The following BBC3 variants were observed in gnomAD, a reference collection of about 807,000 sequenced individuals.
BBC3 encodes the protein bcl-2-binding component 3.
BBC3 carries 5 observed loss-of-function variants against 18.2 expected under a neutral mutation model. The observed-to-expected ratio is 0.27, with a 90% CI of 0.14 to 0.58. BBC3 has a LOEUF of 0.58. Ranked by LOEUF, BBC3 falls within the 20% of genes least tolerant of loss-of-function variation. The pLI is 0.91. For synonymous variants in BBC3, 119 were observed against 128.0 expected (o/e 0.93, Z 0.47); for missense variants, 224 against 268.9 (o/e 0.83, Z 1.17).
chr19:47,223,395 C>T (rs542453882), intron 3 of BBC3, among the ~76,000 whole-genome samples: 5 of 152,110 alleles, frequency 3.3e-5, no homozygotes, highest in East Asian at 1.9e-4. Context: ...GGGGAAACCC[C>T]GTCTCTACTA....
chr19:47,229,823 C>G (rs1044016128), intron 1 of BBC3, among the ~76,000 whole-genome samples: 1 of 152,126 alleles, frequency 6.6e-6, no homozygotes, highest in Admixed American at 6.6e-5. Flanking sequence ...CATACATACA[C>G]ACACACACTC....
intron 2 of BBC3, among the ~76,000 whole-genome samples, chr19:47,227,774 C>T (rs1449565345): frequency 6.6e-6 from 1 of 152,150 alleles, no homozygotes; most frequent in Non-Finnish European, 1.5e-5. Flanking sequence ...GGCCTCTCGA[C>T]CCCTCCCCAG....
rs745490490 is a variant in BBC3 at position 47,230,171 on chromosome 19, G to C, written c.-16+758C>G. Among the ~76,000 whole-genome samples the C allele has an allele frequency of 6.6e-6, 1 of 151,524 alleles. No individual in the cohort carries two copies. Among genetic ancestry groups the C allele is most frequent in the Non-Finnish European group, 1.5e-5 (1 of 67,886 alleles). On this transcript the variant is annotated intron_variant, in intron 1 of 3. Transcript: ENST00000439096. This position sits in a 1 kb window ranked among gnomAD's most constrained non-coding sequence, Gnocchi z 6.7. Reference sequence around the variant, plus strand: ...CGCAGGTCCACCCACCCCACAAGCAGGGCACCCACAGACAGAACCCCACAC... The same window carrying C: ...CGCAGGTCCACCCACCCCACAAGCACGGCACCCACAGACAGAACCCCACAC...
chr19:47,226,834 C>T, intron 2 of BBC3, 80 bp from the exon 3 acceptor site: 2 of 1,191,492 alleles, frequency 1.7e-6, no homozygotes, highest in Non-Finnish European at 2.2e-6. Flanking sequence ...CCCTCTTTCC[C>T]AGCCACTGCT....
intron 3 of BBC3, 97 bp from the exon 4 acceptor site, chr19:47,222,015 G>T (rs933640399): frequency 8.7e-7 from 1 of 1,145,976 alleles, no homozygotes; most frequent in Non-Finnish European, 1.2e-6. Context: ...CGACAGTCTC[G>T]CCCACCCTAT....
In BBC3 at chr19:47,222,030, G is replaced by C. The variant is rs555303019; in HGVS notation, c.466-112C>G. On this transcript the variant is annotated intron_variant, in intron 3 of 3. Coordinates refer to ENST00000439096, the MANE Select transcript of BBC3 (RefSeq NM_014417.5). ...CGACAGTCTCGCCCACCCTATTCCA[G>C]CTCCTCCCCCCGCCTGGGCTAATGT... 1,475 of 966,116 alleles carry C rather than the reference G, an allele frequency of 1.5e-3. 5 individuals carry two copies. The highest frequency in any genetic ancestry group is 1.9e-3 in the Non-Finnish European group (1,279 of 673,294). 59.8% of individuals were successfully genotyped at this position (966,116 alleles called of 1,614,324 possible). A position where few individuals can be genotyped will look rare whatever the true frequency, so the allele number is the denominator to read the frequency against.
In BBC3 at chr19:47,221,369, G is replaced by C. The variant is rs905716495; in HGVS notation, c.*433C>G. On this transcript the variant is annotated 3_prime_UTR_variant, in exon 4 of 4. Transcript: ENST00000439096. The stretch of plus-strand genomic sequence containing the variant: ...TCACGGGCCCCCTCCCAGGAGGAGG[G>C]GGGGAAGCACCAGGGGCCTGAGGCC... 2.3e-5 allele frequency: 6 copies of C among 259,202 alleles called. No homozygotes were observed. The highest frequency in any genetic ancestry group is 9.1e-5 in the African/African-American group (4 of 43,886). 16.1% of individuals were successfully genotyped at this position (259,202 alleles called of 1,614,324 possible). A position where few individuals can be genotyped will look rare whatever the true frequency, so the allele number is the denominator to read the frequency against.
rs2058753512 is a variant in BBC3, at chr19:47,221,713, G to A, written c.*89C>T. 2.5e-6 allele frequency: 4 copies of A among 1,591,508 alleles called. No individual in the cohort carries two copies. Among genetic ancestry groups the A allele is most frequent in the Admixed American group, 1.8e-5 (1 of 54,636 alleles). On this transcript the variant is annotated 3_prime_UTR_variant, in exon 4 of 4. Transcript: ENST00000439096. ...GGAGTCCAGTATGCTACATGGTGCAGAGAAAGTCCCCCGCGCTGGCCAGGG... is the reference window on the plus strand; with the variant it reads ...GGAGTCCAGTATGCTACATGGTGCAAAGAAAGTCCCCCGCGCTGGCCAGGG...
At position 47,221,791 on chromosome 19, in the gene BBC3, G is replaced by A; in HGVS notation, c.*11C>T. 6.2e-7 allele frequency: 1 copy of A among 1,610,580 alleles called. No homozygotes were observed. The highest frequency in any genetic ancestry group is 8.5e-7 in the Non-Finnish European group (1 of 1,179,014). ...CCGAGTCCCTGACGTCCACCGGGCG[G>A]GTGCAGGCACCTAATTGGGCTCCAT... On this transcript the variant is annotated 3_prime_UTR_variant, in exon 4 of 4. Transcript: ENST00000439096.
chr19:47,225,452 G>A (rs373674033), intron 3 of BBC3, among the ~76,000 whole-genome samples: 13 of 149,410 alleles, frequency 8.7e-5, no homozygotes, highest in East Asian at 4.0e-4. Flanking sequence ...GACTTCCTTG[G>A]CTCAAGGGAC....
At chr19:47,232,488 G>A (rs117378997), upstream of BBC3, 20,432 of 1,535,908 alleles carry the variant, frequency 0.013, 158 homozygotes, top group Non-Finnish European at 0.016. Context: ...CACACACGTC[G>A]GAGCATGCAC....
chr19:47,226,349 TGGCTCG>T (rs1195810915), intron 3 of BBC3, among the ~76,000 whole-genome samples: 1 of 151,842 alleles, frequency 6.6e-6, no homozygotes, highest in Admixed American at 6.6e-5. Context: ...GCCCTGGCCC[TGGCTCG>T]GGCTCCGGCT....
upstream of BBC3, chr19:47,232,561 C>T (rs139316960): frequency 2.4e-3 from 3,668 of 1,548,512 alleles, 37 homozygotes; most frequent in Middle Eastern, 0.046. Flanking sequence ...CCCTGGGCAC[C>T]TGGCATGGAC....
At chr19:47,229,404 C>T (rs1568625354) in intron 1 of BBC3, among the ~76,000 whole-genome samples, 1 of 151,718 alleles carries the variant, frequency 6.6e-6, no homozygotes, top group Non-Finnish European at 1.5e-5. Context: ...CATCAGACCT[C>T]AACACACCAC....
Position 47,222,963 on chromosome 19 carries a change from C to CAAA in BBC3, c.466-1048_466-1046dup, listed in dbSNP as rs763480070. On this transcript the variant is annotated intron_variant, in intron 3 of 3. Coordinates refer to ENST00000439096, the MANE Select transcript of BBC3 (RefSeq NM_014417.5). ...CCTGGGCAAGAGCAAAACTCTGTCT[C>CAAA]AAAAAAAAAAAAAAAAAAAAATACA... 3.9e-3 allele frequency among the ~76,000 whole-genome samples: 233 copies of CAAA among 60,450 alleles called. 4 individuals are homozygous for CAAA. The highest frequency in any genetic ancestry group is 0.015 in the African/African-American group (219 of 14,188). The allele number at this position is 60,450 out of a possible 152,430, so 39.7% of individuals were successfully genotyped here.
rs1292240529 is a variant in BBC3, at chr19:47,230,158, C to T, written c.-16+771G>A. On this transcript the variant is annotated intron_variant, in intron 1 of 3. Coordinates refer to ENST00000439096, the MANE Select transcript of BBC3 (RefSeq NM_014417.5). The surrounding 1 kb of genome is among the most constrained non-coding windows in gnomAD (Gnocchi z 6.7). The stretch of plus-strand genomic sequence containing the variant: ...CACCGACAACACACGCAGGTCCACC[C>T]ACCCCACAAGCAGGGCACCCACAGA... Among the ~76,000 whole-genome samples the T allele has an allele frequency of 6.6e-6, 1 of 151,966 alleles. No homozygotes were observed. The highest frequency in any genetic ancestry group is 2.4e-5 in the African/African-American group (1 of 41,344).
At chr19:47,222,980 A>AG (rs1235687678) in intron 3 of BBC3, among the ~76,000 whole-genome samples, 1 of 147,122 alleles carries the variant, frequency 6.8e-6, no homozygotes, top group African/African-American at 2.5e-5. Context: ...AAAAAAAAAA[A>AG]AAAATACAGG....
At position 47,223,202 on chromosome 19, in the gene BBC3, T is replaced by C. The variant is rs1468070736; in HGVS notation, c.466-1284A>G. ...AGGAGAATGGCGTGAACCCGGTAGG[T>C]GGAGCTTGCAGTGAGCCGAGATGGC... On this transcript the variant is annotated intron_variant, in intron 3 of 3. Transcript: ENST00000439096. Among the ~76,000 whole-genome samples, 9 of 149,016 alleles carry C rather than the reference T, an allele frequency of 6.0e-5. No individual in the cohort carries two copies. The East Asian group carries it at 1.2e-3, about 20-fold the overall frequency.
intron 3 of BBC3, chr19:47,222,251 T>TCC (rs921153258): frequency 2.2e-5 from 5 of 227,966 alleles, no homozygotes; most frequent in African/African-American, 1.1e-4. Context: ...ATCCTGCCCC[T>TCC]CCCTACAGGG....
Sources: gnomAD v4.1 joint callset for allele counts (sites outside exome capture counted in the v4.1 genomes callset) on GRCh38, gnomAD v4.1.1 for gene constraint, Gnocchi (gnomAD v3.1) non-coding constraint, MANE v1.5 for transcripts, NCBI Gene and HGNC (gene_info 2026-07-23, HGNC 2026-07-21) for gene names.